Variants in DTNA observed in about 807,000 individuals in gnomAD.
DTNA encodes the protein dystrobrevin alpha.
Under a neutral mutation model 100.7 loss-of-function variants are expected in DTNA, and 43 were observed. The ratio of observed to expected loss-of-function variants is 0.43; its 90% confidence interval spans 0.33 to 0.55. The LOEUF (loss-of-function observed/expected upper bound fraction) is 0.55, where lower values mean the gene tolerates loss of function less well. Among genes scored for constraint, DTNA ranks in the 20% least tolerant of loss-of-function variants. The probability of loss-of-function intolerance (pLI) is 0.04; values close to 1 mark genes in which losing one functional copy is unlikely to be tolerated. For missense variants in DTNA, 798 were observed against 953.9 expected, an observed-to-expected ratio of 0.84 and a Z score of 2.15; for synonymous variants, 349 against 347.9, an observed-to-expected ratio of 1.00 and a Z score of -0.04.
At chr18:34,867,868 C>G (rs2096723477) in intron 17 of DTNA, 11 of 985,396 alleles carry the variant, frequency 1.1e-5, no homozygotes, top group Non-Finnish European at 1.3e-5. Flanking sequence ...AGGGGGCCAA[C>G]AGCGGGTACT....
At chr18:34,621,217 A>AT (rs972229344) in intron 1 of DTNA, among the ~76,000 whole-genome samples, 8 of 148,780 alleles carry the variant, frequency 5.4e-5, no homozygotes, top group African/African-American at 2.0e-4. Context: ...TACATATTGT[A>AT]TATTACATAT....
intron 7 of DTNA, among the ~76,000 whole-genome samples, chr18:34,816,499 G>A (rs1393404161): frequency 2.0e-5 from 3 of 152,170 alleles, no homozygotes; most frequent in African/African-American, 7.2e-5. Flanking sequence ...AAAGATAAGA[G>A]TAAAATAACT....
In DTNA at chr18:34,889,350, G is replaced by T; in HGVS notation, c.*1616G>T. ...GCCTACTGAATCAGAAGCTCTGGGG[G>T]TTGGGTCCAGAAGTCTGTTTTAGTC... On this transcript the variant is annotated 3_prime_UTR_variant, in exon 23 of 23. Coordinates refer to ENST00000444659, the MANE Select transcript of DTNA (RefSeq NM_001386795.1). 2 of 982,470 alleles carry T rather than the reference G, an allele frequency of 2.0e-6. No individual in the cohort carries two copies. The highest frequency in any genetic ancestry group is 1.7e-5 in the African/African-American group (1 of 57,296). The allele number at this position is 982,470 out of a possible 1,614,324, so 60.9% of individuals were successfully genotyped here. A position where few individuals can be genotyped will look rare whatever the true frequency, so the allele number is the denominator to read the frequency against.
intron 4 of DTNA, among the ~76,000 whole-genome samples, chr18:34,805,761 A>G (rs1018725178): frequency 1.3e-5 from 2 of 150,484 alleles, no homozygotes; most frequent in Admixed American, 6.6e-5. Context: ...AGTTACCCTA[A>G]CCTCAAATTC....
At chr18:34,561,106 G>A (rs925587898) in intron 1 of DTNA, among the ~76,000 whole-genome samples, 1 of 152,122 alleles carries the variant, frequency 6.6e-6, no homozygotes, top group Non-Finnish European at 1.5e-5. Flanking sequence ...GCATTTGATA[G>A]TGAAGAGGAT....
In DTNA at chr18:34,879,700, A is replaced by G. The variant is rs751764987; in HGVS notation, c.2143A>G (p.Ser715Gly). 18 of 1,613,984 alleles carry G rather than the reference A, an allele frequency of 1.1e-5. No homozygotes were observed. In the South Asian group the frequency reaches 1.9e-4, roughly 17 times the overall value. The stretch of plus-strand genomic sequence containing the variant: ...GTACATTCACAGTGGAGCTACCACA[A>G]GTACCATGCGTGGCGACATGTGAGT... The part of the protein sequence containing the change: ...PGYIHSGATT[S>G]TMRGDMVTED... The change falls in exon 20 of 23, where the codon AGT (serine) becomes GGT (glycine). Residue 715 changes from serine (S) to glycine (G), a missense_variant. Coordinates refer to ENST00000444659, the MANE Select transcript of DTNA (RefSeq NM_001386795.1).
intron 1 of DTNA, among the ~76,000 whole-genome samples, chr18:34,724,801 G>T (rs2086213259): frequency 6.6e-6 from 1 of 152,184 alleles, no homozygotes. Flanking sequence ...AAAGAACAAA[G>T]CTGGAGGCAT....
chr18:34,772,549 A>ACGCT lies in DTNA; in HGVS notation c.148+6509_148+6512dup, dbSNP rs1341249716. Among the ~76,000 whole-genome samples, 5 of 140,374 alleles carry ACGCT rather than the reference A, an allele frequency of 3.6e-5. No homozygotes were observed. In the East Asian group the frequency reaches 1.2e-3, roughly 32 times the overall value. 92.1% of individuals were successfully genotyped at this position (140,374 alleles called of 152,430 possible). A position where few individuals can be genotyped will look rare whatever the true frequency, so the allele number is the denominator to read the frequency against. ...TCTCACCAGTCAGGTGACTAGAAGA[A>ACGCT]CGCTGGTCTTATGTGGCAGGAGTAG... On this transcript the variant is annotated intron_variant, in intron 3 of 22. Coordinates refer to ENST00000444659, the MANE Select transcript of DTNA (RefSeq NM_001386795.1).
intron 1 of DTNA, among the ~76,000 whole-genome samples, chr18:34,639,202 T>A (rs1310661243): frequency 6.6e-6 from 1 of 152,214 alleles, no homozygotes; most frequent in Admixed American, 6.5e-5. Context: ...CCTCTTCACA[T>A]TGACATTTCA....
chr18:34,673,379 A>G (rs1270700650), intron 1 of DTNA, among the ~76,000 whole-genome samples: 1 of 152,072 alleles, frequency 6.6e-6, no homozygotes, highest in Non-Finnish European at 1.5e-5. Flanking sequence ...GGTTCAAGGG[A>G]TCTGCTTGCC....
In DTNA at chr18:34,776,972, A is replaced by G. The variant is rs146594508; in HGVS notation, c.148+10931A>G. Among the ~76,000 whole-genome samples, 148 of 152,302 alleles carry G rather than the reference A, an allele frequency of 9.7e-4. 1 individual carries two copies. The highest frequency in any genetic ancestry group is 3.4e-3 in the African/African-American group (140 of 41,568). Reference sequence around the variant, plus strand: ...GAATTCTCTTCCTGTAGCGAACTCAATGGCGGACCTCCTCGTCTTTCTCAA... The same window carrying G: ...GAATTCTCTTCCTGTAGCGAACTCAGTGGCGGACCTCCTCGTCTTTCTCAA... On this transcript the variant is annotated intron_variant, in intron 3 of 22. Transcript: ENST00000444659.
At chr18:34,642,897 G>A (rs1179578300) in intron 1 of DTNA, among the ~76,000 whole-genome samples, 1 of 152,118 alleles carries the variant, frequency 6.6e-6, no homozygotes, top group Non-Finnish European at 1.5e-5. Flanking sequence ...CTTGGCTCCA[G>A]TGTGAAATCT....
intron 1 of DTNA, among the ~76,000 whole-genome samples, chr18:34,520,044 A>C (rs150691057): frequency 1.0e-3 from 156 of 152,312 alleles, no homozygotes; most frequent in African/African-American, 3.5e-3. Context: ...TTTGAGGTAC[A>C]GTGGCATTTC....
chr18:34,757,890 C>T lies in DTNA; in HGVS notation c.67+1847C>T, dbSNP rs1047803221. Among the ~76,000 whole-genome samples, 4 of 152,326 alleles carry T rather than the reference C, an allele frequency of 2.6e-5. No individual in the cohort carries two copies. In the East Asian group the frequency reaches 7.7e-4, roughly 29 times the overall value. ...AGCCAAACAAATATATATCTTTCCT[C>T]CCTGGGTGTTCCAACTCAAATGTTG... On this transcript the variant is annotated intron_variant, in intron 2 of 22. Coordinates refer to ENST00000444659, the MANE Select transcript of DTNA (RefSeq NM_001386795.1).
At chr18:34,735,155 A>G (rs2089281917) in intron 1 of DTNA, among the ~76,000 whole-genome samples, 1 of 152,182 alleles carries the variant, frequency 6.6e-6, no homozygotes, top group Non-Finnish European at 1.5e-5. Context: ...ATGGAGTCCG[A>G]TGTTTGAGAG....
chr18:34,583,941 T>C (rs749701758), intron 1 of DTNA, among the ~76,000 whole-genome samples: 7 of 152,148 alleles, frequency 4.6e-5, no homozygotes, highest in Non-Finnish European at 7.4e-5. Context: ...CTTAGCATTA[T>C]TGGGGACAGT....
Position 34,627,149 on chromosome 18 carries a change from C to CA in DTNA, c.-1-128813dup, listed in dbSNP as rs67932788. ...TATATCTACGGATGAGTCTGAGAGT[C>CA]AAAAAAAAAAAAAATCGATTCATTC... On this transcript the variant is annotated intron_variant, in intron 1 of 19. Transcript: ENST00000283365. Among the ~76,000 whole-genome samples the CA allele has an allele frequency of 8.8e-3, 1,193 of 135,894 alleles. 15 individuals carry two copies. The highest frequency in any genetic ancestry group is 0.036 in the East Asian group (164 of 4,608). The allele number at this position is 135,894 out of a possible 152,430, so 89.2% of individuals were successfully genotyped here.
intron 1 of DTNA, among the ~76,000 whole-genome samples, chr18:34,518,721 G>GTGTA (rs1247288200): frequency 6.7e-6 from 1 of 149,550 alleles, no homozygotes; most frequent in Non-Finnish European, 1.5e-5. Flanking sequence ...GTGTGTGTGT[G>GTGTA]TGTGTGTGTG....
intron 4 of DTNA, among the ~76,000 whole-genome samples, chr18:34,800,039 T>C (rs2095147358): frequency 6.6e-6 from 1 of 152,218 alleles, no homozygotes; most frequent in Admixed American, 6.5e-5. Flanking sequence ...CAGAGTTAAT[T>C]ATGCCTGTGA....
Sources: gnomAD v4.1 joint callset for allele counts (sites outside exome capture counted in the v4.1 genomes callset) on GRCh38, gnomAD v4.1.1 for gene constraint, MANE v1.5 for transcripts, NCBI Gene and HGNC (gene_info 2026-07-23, HGNC 2026-07-21) for gene names.